Variants in LRP1B observed in about 807,000 individuals in gnomAD.
LRP1B encodes the protein low-density lipoprotein receptor-related protein 1B.
A neutral mutation model predicts 556.6 loss-of-function variants in LRP1B; 217 were observed. The observed-to-expected ratio is 0.39, with a 90% CI of 0.35 to 0.44. The LOEUF (loss-of-function observed/expected upper bound fraction) is 0.44, where lower values mean the gene tolerates loss of function less well. LRP1B is among the 20% of genes least tolerant of loss of function. LRP1B has a pLI of 1.00. For missense variants in LRP1B, 5,053 were observed against 5,620.8 expected (o/e 0.90, Z 3.23); for synonymous variants, 2,047 against 1,865.8 (o/e 1.10, Z -2.50).
chr2:140,666,732 T>A (rs1685289804), intron 41 of LRP1B, among the ~76,000 whole-genome samples: 1 of 152,078 alleles, frequency 6.6e-6, no homozygotes. Context: ...CTTGAAAAAA[T>A]TTTCCTAAAA....
chr2:140,657,605 A>C (rs1320478693), intron 41 of LRP1B, among the ~76,000 whole-genome samples: 1 of 134,338 alleles, frequency 7.4e-6, no homozygotes, highest in Non-Finnish European at 1.6e-5. Flanking sequence ...ATATATATAC[A>C]TATATATACA....
At chr2:140,466,358 G>T (rs1370777427) in intron 60 of LRP1B, among the ~76,000 whole-genome samples, 1 of 151,890 alleles carries the variant, frequency 6.6e-6, no homozygotes, top group East Asian at 1.9e-4. Context: ...CACTGCATGG[G>T]TTATGATTTA....
At chr2:141,385,733 C>T (rs1376973001) in intron 3 of LRP1B, among the ~76,000 whole-genome samples, 3 of 152,110 alleles carry the variant, frequency 2.0e-5, no homozygotes, top group Non-Finnish European at 4.4e-5. Context: ...TCTGATTATT[C>T]TTTTCATCTA....
chr2:140,811,030 C>A (rs180676429), intron 32 of LRP1B, among the ~76,000 whole-genome samples: 1 of 152,082 alleles, frequency 6.6e-6, no homozygotes, highest in East Asian at 1.9e-4. Context: ...CCACTGTGCC[C>A]GGCCAAGAGG....
intron 2 of LRP1B, among the ~76,000 whole-genome samples, chr2:141,637,115 G>A (rs567056980): frequency 1.3e-5 from 2 of 152,124 alleles, no homozygotes; most frequent in Admixed American, 6.6e-5. Flanking sequence ...GACAGAAAAC[G>A]CACAGAGTTA....
intron 77 of LRP1B, among the ~76,000 whole-genome samples, chr2:140,348,726 A>T (rs1037975153): frequency 4.6e-5 from 7 of 152,260 alleles, no homozygotes; most frequent in Middle Eastern, 3.4e-3. Context: ...AGTTAAAGAT[A>T]AAATATGTAA....
chr2:140,248,193 TG>T (rs1681251813), intron 86 of LRP1B, among the ~76,000 whole-genome samples: 1 of 151,794 alleles, frequency 6.6e-6, no homozygotes, highest in South Asian at 2.1e-4. Flanking sequence ...GAATTATTTG[TG>T]ATAGTCGTAA....
chr2:140,689,887 T>G lies in LRP1B; in HGVS notation c.6799+10363A>C, dbSNP rs1686178008. Among the ~76,000 whole-genome samples, 3 of 152,314 alleles carry G rather than the reference T, an allele frequency of 2.0e-5. No individual in the cohort carries two copies. In the East Asian group the frequency reaches 5.8e-4, roughly 29 times the overall value. On this transcript the variant is annotated intron_variant, in intron 41 of 90. Coordinates refer to ENST00000389484, the MANE Select transcript of LRP1B (RefSeq NM_018557.3). The stretch of plus-strand genomic sequence containing the variant: ...TGCAAACAGAAACCTTGTTAGAATT[T>G]CTAACATGATGTACTGGGGCAGTCT...
At chr2:140,991,741 T>G (rs1424359503) in intron 16 of LRP1B, among the ~76,000 whole-genome samples, 1 of 152,074 alleles carries the variant, frequency 6.6e-6, no homozygotes, top group African/African-American at 2.4e-5. Context: ...CAAAAAAAGA[T>G]TTTCCTAAGA....
At chr2:141,601,599 TTTCC>T (rs59436887) in intron 2 of LRP1B, among the ~76,000 whole-genome samples, 6,392 of 140,644 alleles carry the variant, frequency 0.045, 157 homozygotes, top group Admixed American at 0.079. Context: ...GTAGCACTCC[TTTCC>T]TTCCTTCCTT....
intron 3 of LRP1B, among the ~76,000 whole-genome samples, chr2:141,475,373 T>C (rs1395699680): frequency 6.6e-6 from 1 of 152,030 alleles, no homozygotes; most frequent in Non-Finnish European, 1.5e-5. Context: ...TCTAAATAAA[T>C]AAATAACTTA....
intron 3 of LRP1B, among the ~76,000 whole-genome samples, chr2:141,283,829 A>G (rs1345976399): frequency 2.5e-5 from 3 of 117,790 alleles, no homozygotes; most frequent in African/African-American, 1.1e-4. Flanking sequence ...ACTTTAAAAG[A>G]AAAAAAAAAA....
chr2:140,293,130 CAGTG>C (rs1181096715), intron 84 of LRP1B, among the ~76,000 whole-genome samples: 1 of 152,114 alleles, frequency 6.6e-6, no homozygotes, highest in African/African-American at 2.4e-5. Flanking sequence ...TTGAAAGTAT[CAGTG>C]AGAGAACAAG....
chr2:140,296,213 TA>T (rs1323163219), intron 84 of LRP1B, among the ~76,000 whole-genome samples: 1 of 152,130 alleles, frequency 6.6e-6, no homozygotes, highest in Non-Finnish European at 1.5e-5. Context: ...AGAAGATTAG[TA>T]AAAAATACAC....
At chr2:141,776,107 A>C (rs1439899779) in intron 2 of LRP1B, among the ~76,000 whole-genome samples, 1 of 152,016 alleles carries the variant, frequency 6.6e-6, no homozygotes, top group Non-Finnish European at 1.5e-5. Flanking sequence ...TGGCCTCCCA[A>C]AGTGCTGGGA....
intron 41 of LRP1B, among the ~76,000 whole-genome samples, chr2:140,652,556 G>T (rs1388840988): frequency 1.3e-5 from 2 of 151,930 alleles, no homozygotes; most frequent in African/African-American, 4.8e-5. Context: ...ACAAAGAAAA[G>T]AATCACACTG....
intron 42 of LRP1B, 133 bp downstream of exon 42, chr2:140,601,317 A>C: frequency 1.3e-6 from 1 of 769,900 alleles, no homozygotes; most frequent in Non-Finnish European, 1.9e-6. Flanking sequence ...TAAAAAAAAA[A>C]GTTTTATGAA....
intron 35 of LRP1B, among the ~76,000 whole-genome samples, chr2:140,765,787 T>C (rs1689082071): frequency 6.6e-6 from 1 of 152,144 alleles, no homozygotes; most frequent in South Asian, 2.1e-4. Flanking sequence ...ATACATTCTT[T>C]CTGTAATATC....
intron 87 of LRP1B, 137 bp downstream of exon 87, chr2:140,246,949 A>C (rs1343168604): frequency 6.8e-6 from 4 of 591,592 alleles, no homozygotes; most frequent in Non-Finnish European, 1.2e-5. Context: ...TTCCTCTTTC[A>C]AAAACACCTC....
Sources: allele counts gnomAD v4.1 joint callset (sites outside exome capture counted in the v4.1 genomes callset), GRCh38; gene constraint gnomAD v4.1.1; transcripts MANE v1.5; gene names NCBI Gene and HGNC (gene_info 2026-07-23, HGNC 2026-07-21).